ATP8A2: variants seen among roughly 807,000 people sequenced by gnomAD.
The protein encoded by ATP8A2 is phospholipid-transporting ATPase IB.
Under a neutral mutation model 165.6 loss-of-function variants are expected in ATP8A2, and 100 were observed. The ratio of observed to expected loss-of-function variants is 0.60; its 90% CI spans 0.51 to 0.71. The LOEUF (loss-of-function observed/expected upper bound fraction) is 0.71. Among genes scored for constraint, ATP8A2 ranks in the 30% least tolerant of loss-of-function variants. ATP8A2 has a pLI of 0.00. For missense variants in ATP8A2, 1,227 were observed against 1,479.5 expected (o/e 0.83, Z 2.80); for synonymous variants, 543 against 548.8 (o/e 0.99, Z 0.15).
chr13:25,417,587 G>C (rs1383318154), intron 1 of ATP8A2, among the ~76,000 whole-genome samples: 1 of 118,328 alleles, frequency 8.5e-6, no homozygotes, highest in Non-Finnish European at 1.8e-5. Flanking sequence ...GTTCAATTTA[G>C]ACTTGTTAGG....
At chr13:25,564,523 AG>A (rs1208897012) in intron 16 of ATP8A2, among the ~76,000 whole-genome samples, 1 of 152,178 alleles carries the variant, frequency 6.6e-6, no homozygotes, top group East Asian at 1.9e-4. Flanking sequence ...GGAGGTGACA[AG>A]GAAGTTAAAT....
At chr13:25,492,298 C>T (rs142970397) in intron 2 of ATP8A2, among the ~76,000 whole-genome samples, 1 of 152,292 alleles carries the variant, frequency 6.6e-6, no homozygotes, top group Non-Finnish European at 1.5e-5. Context: ...TCAGGTGATC[C>T]ACCCACCTCA....
At chr13:25,983,444 T>A (rs1423816713) in intron 35 of ATP8A2, among the ~76,000 whole-genome samples, 3 of 152,124 alleles carry the variant, frequency 2.0e-5, no homozygotes, top group Non-Finnish European at 2.9e-5. Context: ...GACATTCTAA[T>A]CCTTAAAAAA....
chr13:25,801,748 G>C (rs940257395), intron 27 of ATP8A2, among the ~76,000 whole-genome samples: 1 of 152,138 alleles, frequency 6.6e-6, no homozygotes, highest in African/African-American at 2.4e-5. Flanking sequence ...TGCTAATAAA[G>C]AACTGCCTGA....
At chr13:25,466,488 C>T (rs1049392751) in intron 1 of ATP8A2, among the ~76,000 whole-genome samples, 3 of 152,158 alleles carry the variant, frequency 2.0e-5, no homozygotes, top group Non-Finnish European at 4.4e-5. Context: ...CCTTTGGGCC[C>T]ACTCTTAGTC....
chr13:25,669,788 TC>T (rs2042228555), intron 24 of ATP8A2, among the ~76,000 whole-genome samples: 1 of 152,144 alleles, frequency 6.6e-6, no homozygotes, highest in African/African-American at 2.4e-5. Flanking sequence ...GTAGTGTGTG[TC>T]TTGAAATCTT....
chr13:25,641,111 AG>A (rs1566004862), intron 24 of ATP8A2, among the ~76,000 whole-genome samples: 1 of 152,206 alleles, frequency 6.6e-6, no homozygotes, highest in Non-Finnish European at 1.5e-5. Flanking sequence ...ATCTCAAAAT[AG>A]TAAGAGCTGT....
intron 24 of ATP8A2, among the ~76,000 whole-genome samples, chr13:25,650,310 G>T (rs1302048951): frequency 1.1e-4 from 16 of 152,134 alleles, no homozygotes; most frequent in African/African-American, 3.9e-4. Flanking sequence ...TGTGGGGTAG[G>T]GGGGTAGTGA....
At chr13:25,615,879 C>G (rs1019197616) in intron 24 of ATP8A2, among the ~76,000 whole-genome samples, 24 of 152,164 alleles carry the variant, frequency 1.6e-4, no homozygotes, top group African/African-American at 5.3e-4. Flanking sequence ...TTTGGGCACT[C>G]ACAGTTTTTT....
At chr13:25,948,211 C>G (rs1955262172) in intron 33 of ATP8A2, among the ~76,000 whole-genome samples, 1 of 151,952 alleles carries the variant, frequency 6.6e-6, no homozygotes, top group Non-Finnish European at 1.5e-5. Flanking sequence ...ACAGCAGGAG[C>G]AGATCGTACT....
At chr13:25,788,802 T>C (rs2045095981) in intron 27 of ATP8A2, among the ~76,000 whole-genome samples, 1 of 152,240 alleles carries the variant, frequency 6.6e-6, no homozygotes, top group African/African-American at 2.4e-5. Flanking sequence ...TAAGAATCAA[T>C]TGTATTTCAG....
chr13:25,641,965 A>G (rs1217092079), intron 24 of ATP8A2, among the ~76,000 whole-genome samples: 2 of 152,212 alleles, frequency 1.3e-5, no homozygotes, highest in African/African-American at 4.8e-5. Flanking sequence ...CAACCATCTG[A>G]TCTTTGACAA....
At chr13:25,408,750 T>C (rs9319223) in intron 1 of ATP8A2, among the ~76,000 whole-genome samples, 15,541 of 152,204 alleles carry the variant, frequency 0.1, 1,376 homozygotes, top group African/African-American at 0.23. Flanking sequence ...AGATCTCTTA[T>C]GCTTTGGGAC....
At chr13:25,529,061 G>A (rs1042565449) in intron 2 of ATP8A2, among the ~76,000 whole-genome samples, 1 of 152,042 alleles carries the variant, frequency 6.6e-6, no homozygotes, top group African/African-American at 2.4e-5. Context: ...CCTCCCATGA[G>A]TGAGAACATG....
At chr13:25,722,282 G>A (rs1233495330) in intron 25 of ATP8A2, among the ~76,000 whole-genome samples, 2 of 152,156 alleles carry the variant, frequency 1.3e-5, no homozygotes, top group African/African-American at 2.4e-5. Context: ...CTTGATGGCA[G>A]TAGCTGATCC....
intron 1 of ATP8A2, among the ~76,000 whole-genome samples, chr13:25,429,155 G>A (rs1456052290): frequency 6.6e-6 from 1 of 152,054 alleles, no homozygotes; most frequent in Admixed American, 6.6e-5. Context: ...ATCACCTGAG[G>A]TCACGTGTTT....
Position 25,572,123 on chromosome 13 carries a change from A to ATCTC in ATP8A2, c.1662+453_1662+456dup, listed in dbSNP as rs10552616. ...AGCTGGGAGAGGAGTCAGCGTTAAG[A>ATCTC]TCTCTCTCTCTCTCTCTCTCTCTCT... is the stretch of plus-strand genomic sequence containing the variant. On this transcript the variant is annotated intron_variant, in intron 18 of 36. Transcript: ENST00000381655. Among the ~76,000 whole-genome samples, 21 of 149,568 alleles carry ATCTC rather than the reference A, an allele frequency of 1.4e-4. No individual in the cohort carries two copies. In the Middle Eastern group the frequency reaches 0.01, roughly 75 times the overall value.
chr13:25,615,844 C>T (rs1274878289), intron 24 of ATP8A2, among the ~76,000 whole-genome samples: 1 of 152,162 alleles, frequency 6.6e-6, no homozygotes, highest in Non-Finnish European at 1.5e-5. Flanking sequence ...CAGGGGCAGA[C>T]AGTTCCCCTT....
Position 25,530,608 on chromosome 13 carries a change from C to T in ATP8A2, c.368C>T (p.Pro123Leu). Residue 123 changes from proline (P) to leucine (L), a missense_variant, in exon 4 of 37, where the codon CCA becomes CTA. Pro to Leu is a moderately conservative substitution (Grantham distance 98). Coordinates refer to ENST00000381655, the MANE Select transcript of ATP8A2 (RefSeq NM_016529.6). ...SPTGRYTTLV[P>L]LIIILTIAGI... is the part of the protein sequence containing the mutation. ...ACAGGAAGATATACCACCCTGGTGC[C>T]ATTGATCATTATTTTAACAATTGCA... 3.1e-6 allele frequency: 5 copies of T among 1,594,918 alleles called. No homozygotes were observed. Among genetic ancestry groups the T allele is most frequent in the Non-Finnish European group, 4.3e-6 (5 of 1,168,168 alleles).
Sources: allele counts gnomAD v4.1 joint callset (sites outside exome capture counted in the v4.1 genomes callset), GRCh38; gene constraint gnomAD v4.1.1; transcripts MANE v1.5; gene names NCBI Gene and HGNC (gene_info 2026-07-23, HGNC 2026-07-21).